MACF1: variants seen among roughly 807,000 people sequenced by gnomAD.
MACF1 encodes the protein microtubule actin crosslinking factor 1.
A neutral mutation model predicts 854.8 loss-of-function variants in MACF1; 193 were observed. The observed-to-expected ratio is 0.23, with a 90% CI of 0.20 to 0.25. MACF1 has a LOEUF of 0.25. Ranked by LOEUF, MACF1 falls within the 10% of genes least tolerant of loss-of-function variation. The probability of loss-of-function intolerance (pLI) is 1.00; values close to 1 mark genes in which losing one functional copy is unlikely to be tolerated. For synonymous variants in MACF1, 3,185 were observed against 3,226.7 expected (o/e 0.99, Z 0.44); for missense variants, 7,722 against 8,929.1 (o/e 0.86, Z 5.45).
At chr1:39,320,625 C>T (rs1165589470) in intron 31 of MACF1, among the ~76,000 whole-genome samples, 1 of 152,040 alleles carries the variant, frequency 6.6e-6, no homozygotes, top group Non-Finnish European at 1.5e-5. Context: ...GTTTATAAGG[C>T]CGTGAATGAT....
chr1:39,442,923 A>T lies in MACF1; in HGVS notation c.19302+12A>T. On this transcript the variant is annotated intron_variant, in intron 78 of 100. Coordinates refer to ENST00000564288, the MANE Select transcript of MACF1 (RefSeq NM_001394062.1). ...CAACTCTGCAGCAGGTACATGTGACATCCAAGTAAGGTAGGAAGAGCTATA... is the reference window on the plus strand; with the variant it reads ...CAACTCTGCAGCAGGTACATGTGACTTCCAAGTAAGGTAGGAAGAGCTATA... 1 of 1,611,374 alleles carries T rather than the reference A, an allele frequency of 6.2e-7. No individual in the cohort carries two copies.
intron 52 of MACF1, among the ~76,000 whole-genome samples, chr1:39,377,392 G>C (rs1022826934): frequency 6.6e-6 from 1 of 152,140 alleles, no homozygotes; most frequent in Non-Finnish European, 1.5e-5. Context: ...TCCTTTTAAA[G>C]TATCATTATG....
Position 39,302,495 on chromosome 1 carries a change from A to G in MACF1, c.2635-429A>G, listed in dbSNP as rs371874418. Among the ~76,000 whole-genome samples the G allele has an allele frequency of 2.5e-4, 38 of 152,366 alleles. 1 individual carries two copies. In the East Asian group the frequency reaches 6.6e-3, roughly 26 times the overall value. On this transcript the variant is annotated intron_variant, in intron 22 of 100. Transcript: ENST00000564288. ...TTGCCTCTAAGAGAAAGACTTGATA[A>G]TTCCAAAATGCTTAAACATTTTCAG...
intron 2 of MACF1, among the ~76,000 whole-genome samples, chr1:39,237,702 A>G (rs1388531879): frequency 6.6e-6 from 1 of 151,392 alleles, no homozygotes; most frequent in African/African-American, 2.4e-5. Flanking sequence ...CCTGCTAACT[A>G]TGCCCCCAGC....
chr1:39,168,413 C>T (rs548092821), intron 2 of MACF1, among the ~76,000 whole-genome samples: 3 of 152,176 alleles, frequency 2.0e-5, no homozygotes, highest in African/African-American at 7.2e-5. Context: ...TGGCAGTTTT[C>T]TAAGGGGTAA....
At chr1:39,448,496 T>C in intron 83 of MACF1, 98 bp from the exon 84 acceptor site, 1 of 1,011,570 alleles carries the variant, frequency 9.9e-7, no homozygotes, top group Non-Finnish European at 1.4e-6. Context: ...ATATTCATAC[T>C]TTATTTGGTT....
chr1:39,331,642 T>C lies in MACF1; in HGVS notation c.5054T>C (p.Leu1685Pro), dbSNP rs375464605. The change falls in exon 37 of 101, where the codon CTT becomes CCT. Residue 1685 changes from leucine to proline, a missense_variant. This residue lies in a region of MACF1 where 1,531 missense variants were observed against 1,601.6 expected (regional missense o/e 0.96). Coordinates refer to ENST00000564288, the MANE Select transcript of MACF1 (RefSeq NM_001394062.1). Reference protein sequence around the residue: ...AFHQGLISAWLHSVLESYLRT... With the variant: ...AFHQGLISAWPHSVLESYLRT... ...CATCAAGGCCTCATTTCTGCATGGC[T>C]TCATTCAGTATTAGAGTCTTATCTT... 1.2e-6 allele frequency: 2 copies of C among 1,614,216 alleles called. No individual in the cohort carries two copies. The highest frequency in any genetic ancestry group is 3.3e-5 in the Admixed American group (2 of 60,032).
At chr1:39,273,334 G>A (rs1645366769) in intron 6 of MACF1, among the ~76,000 whole-genome samples, 1 of 151,224 alleles carries the variant, frequency 6.6e-6, no homozygotes, top group Non-Finnish European at 1.5e-5. Context: ...ACAACCCTTC[G>A]AGTCTCTACA....
intron 1 of MACF1, among the ~76,000 whole-genome samples, chr1:39,221,966 T>TGG (rs1644657754): frequency 2.6e-5 from 4 of 152,220 alleles, no homozygotes. Flanking sequence ...TCTAGCTTTC[T>TGG]GGGTCCTTTG....
Position 39,358,779 on chromosome 1 carries a change from G to C in MACF1, c.12026G>C (p.Trp4009Ser). 1 of 1,614,066 alleles carries C rather than the reference G, an allele frequency of 6.2e-7. No homozygotes were observed. ...FQNSADSLQA[W>S]MQACEANVEK... is the part of the protein sequence containing the mutation. ...AACAGTGCTGACAGCCTGCAGGCCTGGATGCAGGCTTGTGAGGCCAACGTG... is the reference window on the plus strand; with the variant it reads ...AACAGTGCTGACAGCCTGCAGGCCTCGATGCAGGCTTGTGAGGCCAACGTG... Residue 4009 changes from tryptophan to serine, a missense_variant, in exon 46 of 101, where the codon TGG (tryptophan) becomes TCG (serine). Trp to Ser is a radical substitution (Grantham distance 177). Coordinates refer to ENST00000564288, the MANE Select transcript of MACF1 (RefSeq NM_001394062.1).
Position 39,225,508 on chromosome 1 carries a change from G to A in MACF1, c.110-5674G>A, listed in dbSNP as rs184427412. ...TGGGATTACAGGCGTGAGCCACCACGCCCGGCCATAGCAAATTTTTCTAAT... is the reference window on the plus strand; with the variant it reads ...TGGGATTACAGGCGTGAGCCACCACACCCGGCCATAGCAAATTTTTCTAAT... On this transcript the variant is annotated intron_variant, in intron 1 of 100. Transcript: ENST00000564288. 2.2e-3 allele frequency among the ~76,000 whole-genome samples: 342 copies of A among 152,218 alleles called. 1 individual carries two copies. The highest frequency in any genetic ancestry group is 9.2e-3 in the Admixed American group (140 of 15,292).
chr1:39,334,822 C>G lies in MACF1; in HGVS notation c.8234C>G (p.Ala2745Gly), dbSNP rs746143329. ...FSDQRVTLVE[A>G]IEKRLISPEL... ...GATCAGAGAGTGACTTTAGTAGAAG[C>G]TATTGAGAAAAGACTGATCAGCCCT... Residue 2745 changes from alanine to glycine, a missense_variant, in exon 37 of 101, where the codon GCT becomes GGT. Physicochemically the swap from Ala to Gly is moderately conservative, Grantham distance 60. This residue lies in a region of MACF1 where 1,531 missense variants were observed against 1,601.6 expected (regional missense o/e 0.96). Transcript: ENST00000564288. The G allele has an allele frequency of 1.8e-4, 286 of 1,613,984 alleles. No individual in the cohort carries two copies. The highest frequency in any genetic ancestry group is 2.1e-4 in the Non-Finnish European group (247 of 1,180,010).
intron 40 of MACF1, 131 bp from the exon 41 acceptor site, chr1:39,346,846 C>T (rs16826087): frequency 0.19 from 127,736 of 678,292 alleles, 13,264 homozygotes; most frequent in Non-Finnish European, 0.22. Context: ...TAATTTGGCC[C>T]TAGAATCATT....
At chr1:39,411,709 C>T (rs1569949124) in intron 58 of MACF1, 1 of 1,613,792 alleles carries the variant, frequency 6.2e-7, no homozygotes, top group Non-Finnish European at 8.5e-7. Flanking sequence ...AGGAGTAACT[C>T]CTCTAGTTGA....
chr1:39,231,305 A>G, intron 2 of MACF1, 62 bp downstream of exon 2: 7 of 1,459,310 alleles, frequency 4.8e-6, no homozygotes, highest in Non-Finnish European at 6.7e-6. Flanking sequence ...TGGATCTGTC[A>G]TTCCTTCTTT....
intron 1 of MACF1, among the ~76,000 whole-genome samples, chr1:39,209,143 T>C (rs1000574337): frequency 2.0e-5 from 3 of 151,152 alleles, no homozygotes; most frequent in African/African-American, 7.3e-5. Context: ...TCCCAGCTAC[T>C]GGGGAGGCGG....
At position 39,453,761 on chromosome 1, in the gene MACF1, A is replaced by G. The variant is rs747061191; in HGVS notation, c.20797A>G (p.Met6933Val). The change falls in exon 88 of 101, where the codon ATG (methionine) becomes GTG (valine). Residue 6933 changes from methionine (M) to valine (V), a missense_variant. Transcript: ENST00000564288. ...KRVDVNSAVAMGEVILAVCHP... is the reference protein window; with the variant it reads ...KRVDVNSAVAVGEVILAVCHP... ...AGTGGACGTTAACTCAGCAGTAGCC[A>G]TGGGAGAAGTCATCCTGGCTGTCTG... 4 of 1,614,192 alleles carry G rather than the reference A, an allele frequency of 2.5e-6. No individual in the cohort carries two copies. The highest frequency in any genetic ancestry group is 3.4e-6 in the Non-Finnish European group (4 of 1,179,982).
chr1:39,450,518 T>A (rs549962613), intron 84 of MACF1, among the ~76,000 whole-genome samples: 1 of 152,166 alleles, frequency 6.6e-6, no homozygotes, highest in African/African-American at 2.4e-5. Context: ...AAAGGGTATC[T>A]CTACCTGTCC....
chr1:39,098,527 A>G (rs1440291071), intron 2 of MACF1, among the ~76,000 whole-genome samples: 1 of 152,238 alleles, frequency 6.6e-6, no homozygotes, highest in Non-Finnish European at 1.5e-5. Context: ...TGCCTTGGGA[A>G]GCCGGTGCGG....
Sources: gnomAD v4.1 joint callset for allele counts (sites outside exome capture counted in the v4.1 genomes callset) on GRCh38, gnomAD v4.1.1 for gene constraint, gnomAD v4.1.1 regional missense constraint, MANE v1.5 for transcripts, NCBI Gene and HGNC (gene_info 2026-07-23, HGNC 2026-07-21) for gene names.